The following HSP90AA1 variants were observed in gnomAD, a reference collection of about 807,000 sequenced individuals.
HSP90AA1 encodes the protein heat shock protein 90 alpha family class A member 1.
Under a neutral mutation model 73.3 loss-of-function variants are expected in HSP90AA1, and 18 were observed. The observed-to-expected ratio is 0.25, with a 90% confidence interval of 0.17 to 0.36. The LOEUF (loss-of-function observed/expected upper bound fraction) is 0.36. Among genes scored for constraint, HSP90AA1 ranks in the 10% least tolerant of loss-of-function variants. The probability of loss-of-function intolerance (pLI) is 1.00; values close to 1 mark genes in which losing one functional copy is unlikely to be tolerated. For missense variants in HSP90AA1, 704 were observed against 874.2 expected (o/e 0.81, Z 2.45); for synonymous variants, 477 against 296.9 (o/e 1.61, Z -6.24).
chr14:102,116,711 G>C (rs1473693453), intron 1 of HSP90AA1, among the ~76,000 whole-genome samples: 1 of 152,188 alleles, frequency 6.6e-6, no homozygotes, highest in Non-Finnish European at 1.5e-5. Context: ...AGGAGCCAGG[G>C]ACAAGCTGGA....
chr14:102,115,501 GTTGCGCT>G (rs2049695108), intron 1 of HSP90AA1, among the ~76,000 whole-genome samples: 1 of 152,130 alleles, frequency 6.6e-6, no homozygotes, highest in Admixed American at 6.6e-5. Flanking sequence ...ATTGTTCTCT[GTTGCGCT>G]TGTAACAGTT....
chr14:102,118,095 T>C (rs548355846), intron 1 of HSP90AA1, among the ~76,000 whole-genome samples: 3 of 152,290 alleles, frequency 2.0e-5, no homozygotes, highest in Non-Finnish European at 4.4e-5. Context: ...GCTCCATGCC[T>C]GACTTACAGA....
rs368576869 is a variant in HSP90AA1, at chr14:102,084,795, C to T, written c.867G>A (p.Glu289=). 1.9e-6 allele frequency: 3 copies of T among 1,613,812 alleles called. No homozygotes were observed. The highest frequency in any genetic ancestry group is 2.5e-6 in the Non-Finnish European group (3 of 1,179,860). ...KIKEKYIDQE[E]LNKTKPIWTR... is the part of the protein sequence containing the mutation. ...TCCAGATGGGCTTTGTTTTGTTGAG[C>T]TCTTCTTGATCGATGTACTTTTCCT... The change falls in exon 5 of 11, where the codon GAG becomes GAA. Residue 289 remains glutamate, a synonymous_variant. Coordinates refer to ENST00000216281, the MANE Select transcript of HSP90AA1 (RefSeq NM_005348.4).
intron 2 of HSP90AA1, among the ~76,000 whole-genome samples, chr14:102,094,211 C>T (rs1009460450): frequency 6.6e-5 from 10 of 152,224 alleles, no homozygotes; most frequent in African/African-American, 9.6e-5. Flanking sequence ...CCGGCAAACT[C>T]GTTCCCCTCC....
chr14:102,114,863 G>T (rs959866868), intron 1 of HSP90AA1, among the ~76,000 whole-genome samples: 1 of 152,058 alleles, frequency 6.6e-6, no homozygotes, highest in African/African-American at 2.4e-5. Context: ...GGCCAGGCAT[G>T]GTGGCTCACG....
chr14:102,115,640 T>C lies in HSP90AA1; in HGVS notation c.156-13555A>G, dbSNP rs61992493. Among the ~76,000 whole-genome samples the C allele has an allele frequency of 3.0e-3, 450 of 152,102 alleles. 1 individual carries two copies. The highest frequency in any genetic ancestry group is 4.9e-3 in the Non-Finnish European group (334 of 67,984). ...GTTCACGCCTGTAATCCCAGTACTG[T>C]GGCAGGCTGAGGTGGGATCAGTTGA... On this transcript the variant is annotated intron_variant, in intron 1 of 11. Transcript: ENST00000334701.
chr14:102,084,042 T>C (rs1188174275), intron 6 of HSP90AA1, 59 bp from the exon 7 acceptor site: 12 of 1,249,168 alleles, frequency 9.6e-6, no homozygotes, highest in Non-Finnish European at 1.4e-5. Flanking sequence ...TGGTACTATG[T>C]AAACTCCCAA....
intron 1 of HSP90AA1, among the ~76,000 whole-genome samples, chr14:102,086,609 C>G (rs1465596250): frequency 7.2e-5 from 11 of 151,820 alleles, no homozygotes; most frequent in Non-Finnish European, 1.6e-4. Flanking sequence ...CCCAGTCCCC[C>G]GCCGCGGTCC....
chr14:102,131,432 C>G (rs537444119), intron 1 of HSP90AA1, among the ~76,000 whole-genome samples: 4 of 152,322 alleles, frequency 2.6e-5, no homozygotes, highest in Admixed American at 2.6e-4. Flanking sequence ...CCTTAGTGAC[C>G]TTCCTGTTCT....
At chr14:102,108,983 AT>A (rs1319225542) in intron 1 of HSP90AA1, among the ~76,000 whole-genome samples, 2 of 152,020 alleles carry the variant, frequency 1.3e-5, no homozygotes, top group Non-Finnish European at 2.9e-5. Flanking sequence ...GGACAGCTGA[AT>A]TTTTTAACTT....
In HSP90AA1 at chr14:102,123,317, T is replaced by C. The variant is rs1040773572; in HGVS notation, c.155+15933A>G. ...AGGGTTAGGCAGAATTGCTTTAACCTGGGAGGCAGTAGTGAGCCAAGATCA... is the reference window on the plus strand; with the variant it reads ...AGGGTTAGGCAGAATTGCTTTAACCCGGGAGGCAGTAGTGAGCCAAGATCA... On this transcript the variant is annotated intron_variant, in intron 1 of 11. Transcript: ENST00000334701. 2.6e-5 allele frequency among the ~76,000 whole-genome samples: 4 copies of C among 152,100 alleles called. No individual in the cohort carries two copies. The East Asian group carries it at 7.8e-4, about 29-fold the overall frequency.
rs1483014788 is a variant in HSP90AA1, at chr14:102,081,369, G to A, written c.*343C>T. On this transcript the variant is annotated 3_prime_UTR_variant, in exon 11 of 11. Coordinates refer to ENST00000216281, the MANE Select transcript of HSP90AA1 (RefSeq NM_005348.4). ...TTTCTAAACATCAAGATACAGCTCA[G>A]AACACTTCAATAACAAGATTTGGTC... The A allele has an allele frequency of 2.3e-6, 1 of 430,606 alleles. No homozygotes were observed. The highest frequency in any genetic ancestry group is 2.0e-5 in the African/African-American group (1 of 51,068). The allele number at this position is 430,606 out of a possible 1,614,324, so 26.7% of individuals were successfully genotyped here.
At chr14:102,087,091 G>C (rs1595660867), upstream of HSP90AA1, 5 of 984,172 alleles carry the variant, frequency 5.1e-6, no homozygotes, top group Non-Finnish European at 6.0e-6. Context: ...GGCCCGCCCA[G>C]CGCGCGGCGC....
At chr14:102,086,526 G>A (rs924608770) in intron 1 of HSP90AA1, 148 bp from the exon 2 acceptor site, 26 of 933,052 alleles carry the variant, frequency 2.8e-5, no homozygotes, top group Admixed American at 1.7e-4. Context: ...GCTGACAAAG[G>A]ATGACCTCAT....
chr14:102,099,634 A>G (rs949795550), intron 2 of HSP90AA1, among the ~76,000 whole-genome samples: 4 of 152,230 alleles, frequency 2.6e-5, no homozygotes, highest in African/African-American at 7.2e-5. Context: ...TCCCCACATT[A>G]AAACAGCTAG....
At chr14:102,103,821 A>C (rs1301597388) in intron 1 of HSP90AA1, among the ~76,000 whole-genome samples, 3 of 151,760 alleles carry the variant, frequency 2.0e-5, no homozygotes, top group Non-Finnish European at 2.9e-5. Flanking sequence ...AAAAAAAAAA[A>C]ACAAAAACCC....
rs117058023 is a variant in HSP90AA1, at chr14:102,092,323, G to T, written c.367-5945C>A. 2.0e-3 allele frequency among the ~76,000 whole-genome samples: 307 copies of T among 151,870 alleles called. 1 individual carries two copies. Among genetic ancestry groups the T allele is most frequent in the Non-Finnish European group, 3.3e-3 (223 of 67,950 alleles). On this transcript the variant is annotated intron_variant, in intron 2 of 11. Transcript: ENST00000334701. ...TGGCCTCAAGTGATGTGCCTGCCTC[G>T]GTGTCGCAAAATCCTGGGATTACAG...
At chr14:102,139,125 T>TGCTCA in intron 1 of HSP90AA1, 2 of 1,186,672 alleles carry the variant, frequency 1.7e-6, no homozygotes, top group South Asian at 1.3e-5. Flanking sequence ...AGGCCGCCAG[T>TGCTCA]GCTCATCACA....
At chr14:102,136,967 A>C (rs2050007751) in intron 1 of HSP90AA1, among the ~76,000 whole-genome samples, 1 of 151,062 alleles carries the variant, frequency 6.6e-6, no homozygotes, top group Non-Finnish European at 1.5e-5. Context: ...TAATCCTAGC[A>C]CTCTGGGAAG....
Sources: allele counts gnomAD v4.1 joint callset (sites outside exome capture counted in the v4.1 genomes callset), GRCh38; gene constraint gnomAD v4.1.1; transcripts MANE v1.5; gene names NCBI Gene and HGNC (gene_info 2026-07-23, HGNC 2026-07-21).